The following MARCHF3 variants were observed in gnomAD, a reference collection of about 807,000 sequenced individuals.
The protein encoded by MARCHF3 is E3 ubiquitin-protein ligase MARCHF3.
In MARCHF3, 13 loss-of-function variants were observed where a neutral mutation model predicts 24.2. The ratio of observed to expected loss-of-function variants is 0.54; its 90% CI spans 0.35 to 0.85. MARCHF3 has a LOEUF of 0.85. Among genes scored for constraint, MARCHF3 ranks in the 40% least tolerant of loss-of-function variants. The pLI, the probability that MARCHF3 is intolerant of heterozygous loss-of-function variation, is 0.01. For synonymous variants in MARCHF3, 144 were observed against 137.3 expected (o/e 1.05, Z -0.34); for missense variants, 276 against 325.0 (o/e 0.85, Z 1.16).
rs978069391 is a variant in MARCHF3, at chr5:126,869,808, G to A, written c.*825C>T. 4 of 152,138 alleles carry A rather than the reference G, an allele frequency of 2.6e-5. No homozygotes were observed. The highest frequency in any genetic ancestry group is 9.7e-5 in the African/African-American group (4 of 41,272). 9.4% of individuals were successfully genotyped at this position (152,138 alleles called of 1,614,324 possible). Reference sequence around the variant, plus strand: ...TTTTTCCTTTTAAAACCTGCTTTGGGAAACTTCACAGGTTTTATCATTAAA... The same window carrying A: ...TTTTTCCTTTTAAAACCTGCTTTGGAAAACTTCACAGGTTTTATCATTAAA... On this transcript the variant is annotated 3_prime_UTR_variant, in exon 5 of 5. Transcript: ENST00000308660.
intron 1 of MARCHF3, among the ~76,000 whole-genome samples, chr5:127,020,736 A>G (rs1170471256): frequency 2.6e-5 from 4 of 152,090 alleles, no homozygotes; most frequent in African/African-American, 9.7e-5. Context: ...TTGTGATCAC[A>G]GCTACTCGGG....
At chr5:126,970,915 A>G (rs1750989238) in intron 1 of MARCHF3, among the ~76,000 whole-genome samples, 1 of 152,222 alleles carries the variant, frequency 6.6e-6, no homozygotes, top group Non-Finnish European at 1.5e-5. Context: ...AACAGAGCAC[A>G]GCAAGCAGAG....
chr5:126,951,603 A>G (rs1414078842), intron 1 of MARCHF3, among the ~76,000 whole-genome samples: 2 of 152,216 alleles, frequency 1.3e-5, no homozygotes, highest in Non-Finnish European at 2.9e-5. Context: ...ACTTGAGTGT[A>G]CAGTCTCATC....
Position 126,870,531 on chromosome 5 carries a change from C to T in MARCHF3, c.*102G>A, listed in dbSNP as rs1340189570. On this transcript the variant is annotated 3_prime_UTR_variant, in exon 5 of 5. Coordinates refer to ENST00000308660, the MANE Select transcript of MARCHF3 (RefSeq NM_178450.5). ...TATGCTCTGGATGTTCTTAGACCCA[C>T]AGGCTTAAGGAAGGGCTTGGGGGTC... 1.9e-6 allele frequency: 2 copies of T among 1,075,790 alleles called. No homozygotes were observed. Among genetic ancestry groups the T allele is most frequent in the African/African-American group, 1.6e-5 (1 of 64,002 alleles). 66.6% of individuals were successfully genotyped at this position (1,075,790 alleles called of 1,614,324 possible). A position where few individuals can be genotyped will look rare whatever the true frequency, so the allele number is the denominator to read the frequency against.
intron 1 of MARCHF3, among the ~76,000 whole-genome samples, chr5:126,944,899 T>C (rs895238968): frequency 1.3e-5 from 2 of 152,238 alleles, no homozygotes; most frequent in Non-Finnish European, 2.9e-5. Context: ...TTTTATTACA[T>C]ATAGCCCTTA....
In MARCHF3 at chr5:126,887,334, G is replaced by A. The variant is rs565298817; in HGVS notation, c.394-8940C>T. ...TTGAGCGATGCAGAAAATCTAGGTG[G>A]CATCAGCAGTACCTGCGACTTTGTC... On this transcript the variant is annotated intron_variant, in intron 3 of 4. Transcript: ENST00000308660. 4.6e-5 allele frequency among the ~76,000 whole-genome samples: 7 copies of A among 152,256 alleles called. No individual in the cohort carries two copies. In the South Asian group the frequency reaches 1.5e-3, roughly 32 times the overall value.
intron 3 of MARCHF3, among the ~76,000 whole-genome samples, chr5:126,898,169 A>C (rs1753988670): frequency 6.6e-6 from 1 of 152,090 alleles, no homozygotes; most frequent in African/African-American, 2.4e-5. Context: ...AAATACCATG[A>C]AATTGTACAC....
intron 1 of MARCHF3, among the ~76,000 whole-genome samples, chr5:127,006,637 T>A (rs1477121966): frequency 1.3e-5 from 2 of 152,198 alleles, no homozygotes; most frequent in Non-Finnish European, 2.9e-5. Flanking sequence ...TGAAACACTT[T>A]CCTTTTCATA....
chr5:127,004,421 C>G lies in MARCHF3; in HGVS notation c.-57+25929G>C, dbSNP rs574198316. Among the ~76,000 whole-genome samples, 29 of 152,230 alleles carry G rather than the reference C, an allele frequency of 1.9e-4. 1 individual carries two copies. The South Asian group carries it at 5.8e-3, about 30-fold the overall frequency. On this transcript the variant is annotated intron_variant, in intron 1 of 4. Transcript: ENST00000308660. ...CTTCAGGAATATTACCAATTAATGA[C>G]GAAGGCAGAAATAGAATTTAAATTT...
intron 3 of MARCHF3, among the ~76,000 whole-genome samples, chr5:126,900,511 C>G (rs966434203): frequency 6.6e-6 from 1 of 151,930 alleles, no homozygotes; most frequent in Non-Finnish European, 1.5e-5. Context: ...GGAGGAGGAC[C>G]CTCACTAGAA....
intron 4 of MARCHF3, 70 bp from the exon 5 acceptor site, chr5:126,870,861 A>G (rs1042512304): frequency 2.5e-6 from 4 of 1,578,010 alleles, no homozygotes; most frequent in South Asian, 2.3e-5. Context: ...AATACAAGAA[A>G]CAAATATGTC....
intron 1 of MARCHF3, among the ~76,000 whole-genome samples, chr5:127,005,540 T>A (rs555954478): frequency 1.9e-4 from 29 of 152,106 alleles, no homozygotes; most frequent in African/African-American, 6.5e-4. Context: ...TTTATCAGAG[T>A]CCATAACAAC....
intron 1 of MARCHF3, among the ~76,000 whole-genome samples, chr5:127,024,776 G>A (rs915244310): frequency 9.9e-5 from 15 of 152,196 alleles, no homozygotes; most frequent in African/African-American, 3.6e-4. Context: ...GGGTGGGGGA[G>A]TGTACTCATA....
chr5:126,914,738 T>G, intron 3 of MARCHF3, 192 bp downstream of exon 3: 1 of 617,632 alleles, frequency 1.6e-6, no homozygotes, highest in Non-Finnish European at 2.9e-6. Context: ...CCCTTCTCTG[T>G]GTCTGTCTGT....
intron 1 of MARCHF3, among the ~76,000 whole-genome samples, chr5:126,971,988 C>T (rs1049450994): frequency 1.4e-4 from 22 of 152,152 alleles, no homozygotes; most frequent in African/African-American, 4.8e-4. Context: ...ATAAATTATA[C>T]ATGTGGTAAC....
chr5:126,932,595 G>A (rs566187902), intron 1 of MARCHF3, among the ~76,000 whole-genome samples: 22 of 152,198 alleles, frequency 1.4e-4, no homozygotes, highest in Non-Finnish European at 2.5e-4. Flanking sequence ...GGACACATAC[G>A]AAGGCACAGT....
intron 1 of MARCHF3, among the ~76,000 whole-genome samples, chr5:127,020,634 T>C (rs1194708333): frequency 6.6e-6 from 1 of 152,134 alleles, no homozygotes; most frequent in Non-Finnish European, 1.5e-5. Flanking sequence ...GCAGATCCCT[T>C]GAGCTCAGGA....
chr5:126,998,755 G>A lies in MARCHF3; in HGVS notation c.-57+31595C>T, dbSNP rs575817062. Among the ~76,000 whole-genome samples the A allele has an allele frequency of 5.9e-5, 9 of 152,176 alleles. No individual in the cohort carries two copies. The East Asian group carries it at 1.2e-3, about 20-fold the overall frequency. On this transcript the variant is annotated intron_variant, in intron 1 of 4. Transcript: ENST00000308660. The stretch of plus-strand genomic sequence containing the variant: ...CTTTTAAACAGCAGAAATCTCACTC[G>A]TTCCCCTGTCCCACTCTCTCCCTGT...
At chr5:126,978,431 G>A (rs555851970) in intron 1 of MARCHF3, among the ~76,000 whole-genome samples, 53 of 150,646 alleles carry the variant, frequency 3.5e-4, no homozygotes, top group African/African-American at 1.2e-3. Flanking sequence ...TCAACCCTAT[G>A]TGAAAGGATG....
Sources: allele counts gnomAD v4.1 joint callset (sites outside exome capture counted in the v4.1 genomes callset), GRCh38; gene constraint gnomAD v4.1.1; transcripts MANE v1.5; gene names NCBI Gene and HGNC (gene_info 2026-07-23, HGNC 2026-07-21).